Variants in MCC observed in about 807,000 individuals in gnomAD.
The protein encoded by MCC is MCC regulator of Wnt signaling pathway.
MCC carries 90 observed loss-of-function variants against 116.2 expected under a neutral mutation model. The observed-to-expected ratio is 0.77, with a 90% CI of 0.65 to 0.92. The LOEUF is 0.92. Ranked by LOEUF, MCC falls within the 40% of genes least tolerant of loss-of-function variation. The pLI, the probability that MCC is intolerant of heterozygous loss-of-function variation, is 0.00. For missense variants in MCC, 1,516 were observed against 1,312.2 expected (o/e 1.16, Z -2.40); for synonymous variants, 578 against 510.5 (o/e 1.13, Z -1.78).
intron 2 of MCC, among the ~76,000 whole-genome samples, chr5:113,381,869 G>C (rs1769132970): frequency 6.6e-6 from 1 of 152,184 alleles, no homozygotes; most frequent in South Asian, 2.1e-4. Context: ...TCCAAATTTG[G>C]AAGTAGTATA....
intron 1 of MCC, among the ~76,000 whole-genome samples, chr5:113,485,410 A>G (rs141396186): frequency 7.9e-4 from 120 of 152,338 alleles, no homozygotes; most frequent in African/African-American, 2.6e-3. Flanking sequence ...TTTAGGAGGT[A>G]ATGTGCCTAG....
chr5:113,236,472 G>A (rs1764136021), intron 3 of MCC, among the ~76,000 whole-genome samples: 1 of 152,166 alleles, frequency 6.6e-6, no homozygotes. Flanking sequence ...CTTTGGACAT[G>A]TTACTTAAAT....
chr5:113,484,939 G>A (rs1300289288), intron 1 of MCC, among the ~76,000 whole-genome samples: 1 of 152,176 alleles, frequency 6.6e-6, no homozygotes, highest in Non-Finnish European at 1.5e-5. Flanking sequence ...AGCTTACGGT[G>A]GTCTCACTCT....
At chr5:113,266,921 T>G (rs1347164713) in intron 3 of MCC, among the ~76,000 whole-genome samples, 1 of 152,110 alleles carries the variant, frequency 6.6e-6, no homozygotes, top group Non-Finnish European at 1.5e-5. Context: ...CCTAGGGTAT[T>G]TATGGTTTTG....
At chr5:113,315,975 T>C (rs768800884) in intron 3 of MCC, among the ~76,000 whole-genome samples, 76 of 151,920 alleles carry the variant, frequency 5.0e-4, no homozygotes, top group South Asian at 1.0e-3. Flanking sequence ...GAGATACACG[T>C]TGGCCGGGCA....
rs115977222 is a variant in MCC at position 113,088,695 on chromosome 5, G to C, written c.1399-3385C>G. On this transcript the variant is annotated intron_variant, in intron 8 of 18. Transcript: ENST00000408903. ...GCTATCAGAAGTTCGAAGAGGCAAG[G>C]AAGGATTCTCTTTCAAAGCCCTTTG... Among the ~76,000 whole-genome samples the C allele has an allele frequency of 2.2e-3, 332 of 152,178 alleles. 5 individuals are homozygous for C. The highest frequency in any genetic ancestry group is 7.6e-3 in the African/African-American group (317 of 41,534).
At chr5:113,247,742 T>C (rs558617213) in intron 3 of MCC, among the ~76,000 whole-genome samples, 2 of 152,144 alleles carry the variant, frequency 1.3e-5, no homozygotes, top group African/African-American at 4.8e-5. Flanking sequence ...GATTTGGCCA[T>C]CTACTGGATG....
intron 3 of MCC, among the ~76,000 whole-genome samples, chr5:113,164,147 T>A (rs1760648026): frequency 6.6e-6 from 1 of 152,194 alleles, no homozygotes; most frequent in African/African-American, 2.4e-5. Context: ...GGAAAGATCA[T>A]TAACTGTCCT....
chr5:113,158,470 G>A (rs1003067108), intron 3 of MCC, among the ~76,000 whole-genome samples: 1 of 152,212 alleles, frequency 6.6e-6, no homozygotes, highest in Non-Finnish European at 1.5e-5. Context: ...GAAAGGCAGT[G>A]TCAAATCCCA....
At chr5:113,469,885 A>G (rs1772031535) in intron 1 of MCC, among the ~76,000 whole-genome samples, 2 of 152,100 alleles carry the variant, frequency 1.3e-5, no homozygotes, top group African/African-American at 4.8e-5. Flanking sequence ...GTGCATATAT[A>G]TTTAGGATAG....
At chr5:113,350,042 G>T (rs1768228319) in intron 2 of MCC, among the ~76,000 whole-genome samples, 1 of 151,826 alleles carries the variant, frequency 6.6e-6, no homozygotes, top group Non-Finnish European at 1.5e-5. Flanking sequence ...AAATTGAAGA[G>T]AACCCCCCCA....
rs1750328119 is a variant in MCC at position 113,023,751 on chromosome 5, C to T, written c.*3551G>A. 1 of 152,114 alleles carries T rather than the reference C, an allele frequency of 6.6e-6. No individual in the cohort carries two copies. Among genetic ancestry groups the T allele is most frequent in the Non-Finnish European group, 1.5e-5 (1 of 68,010 alleles). The allele number at this position is 152,114 out of a possible 1,614,324, so 9.4% of individuals were successfully genotyped here. A position where few individuals can be genotyped will look rare whatever the true frequency, so the allele number is the denominator to read the frequency against. On this transcript the variant is annotated 3_prime_UTR_variant, in exon 19 of 19. Coordinates refer to ENST00000408903, the MANE Select transcript of MCC (RefSeq NM_001085377.2). Reference sequence around the variant, plus strand: ...TCAGAGATGTTTATTTTTTAATAGTCATCTTGATATGTTATCACTTTAAAG... The same window carrying T: ...TCAGAGATGTTTATTTTTTAATAGTTATCTTGATATGTTATCACTTTAAAG...
At chr5:113,360,128 C>A (rs1323249272) in intron 2 of MCC, among the ~76,000 whole-genome samples, 3 of 151,974 alleles carry the variant, frequency 2.0e-5, no homozygotes, top group African/African-American at 4.8e-5. Context: ...CATTGTCATA[C>A]CTCTTGGCTG....
At chr5:113,376,809 A>G (rs1184135910) in intron 2 of MCC, among the ~76,000 whole-genome samples, 2 of 152,088 alleles carry the variant, frequency 1.3e-5, no homozygotes, top group Non-Finnish European at 2.9e-5. Flanking sequence ...GATAGAGCCA[A>G]CTCTACCCTA....
At chr5:113,256,812 C>A (rs1765022670) in intron 3 of MCC, among the ~76,000 whole-genome samples, 1 of 152,162 alleles carries the variant, frequency 6.6e-6, no homozygotes, top group Non-Finnish European at 1.5e-5. Context: ...GCCTTCAAAC[C>A]TGGGTTAATG....
chr5:113,401,339 A>G (rs1769681210), intron 1 of MCC, among the ~76,000 whole-genome samples: 1 of 152,176 alleles, frequency 6.6e-6, no homozygotes, highest in Non-Finnish European at 1.5e-5. Context: ...TTCCATTGTA[A>G]AAAAGGAGTA....
chr5:113,304,278 T>C (rs550339884), intron 3 of MCC, among the ~76,000 whole-genome samples: 2 of 152,324 alleles, frequency 1.3e-5, no homozygotes, highest in Admixed American at 6.5e-5. Context: ...ATTTGGTTAG[T>C]CTATGTTTAA....
intron 1 of MCC, among the ~76,000 whole-genome samples, chr5:113,470,532 A>G (rs1772055465): frequency 6.6e-6 from 1 of 152,140 alleles, no homozygotes; most frequent in Non-Finnish European, 1.5e-5. Flanking sequence ...TGGCTTGTAG[A>G]GTTTCTGCCG....
At chr5:113,444,013 G>GTGTGTGTT (rs1385629468) in intron 1 of MCC, among the ~76,000 whole-genome samples, 1 of 151,766 alleles carries the variant, frequency 6.6e-6, no homozygotes, top group African/African-American at 2.4e-5. Context: ...GTGTGTGTGT[G>GTGTGTGTT]TGTGTGTGTT....
Sources: gnomAD v4.1 joint callset for allele counts (sites outside exome capture counted in the v4.1 genomes callset) on GRCh38, gnomAD v4.1.1 for gene constraint, MANE v1.5 for transcripts, NCBI Gene and HGNC (gene_info 2026-07-23, HGNC 2026-07-21) for gene names.